The following VPS13B variants were observed in gnomAD, a reference collection of about 807,000 sequenced individuals.
VPS13B encodes vacuolar protein sorting 13 homolog B.
In VPS13B, 285 loss-of-function variants were observed where a neutral mutation model predicts 426.4. The ratio of observed to expected loss-of-function variants is 0.67; its 90% CI spans 0.61 to 0.74. The LOEUF is 0.74. Ranked by LOEUF, VPS13B falls within the 30% of genes least tolerant of loss-of-function variation. VPS13B has a pLI of 0.00. For synonymous variants in VPS13B, 1,676 were observed against 1,676.4 expected (o/e 1.00, Z 0.01); for missense variants, 4,537 against 4,782.6 (o/e 0.95, Z 1.51).
intron 43 of VPS13B, among the ~76,000 whole-genome samples, chr8:99,793,252 T>C (rs1812645421): frequency 8.3e-6 from 1 of 119,824 alleles, no homozygotes; most frequent in African/African-American, 3.3e-5. Flanking sequence ...TCTTGCCCTC[T>C]CCATATATAT....
At chr8:99,523,795 AG>A (rs1230822465) in intron 30 of VPS13B, among the ~76,000 whole-genome samples, 1 of 152,164 alleles carries the variant, frequency 6.6e-6, no homozygotes, top group East Asian at 1.9e-4. Flanking sequence ...AGACCACAAA[AG>A]CTACAGTAAA....
chr8:99,014,110 CTTTTTTT>C (rs1211028912), intron 2 of VPS13B, among the ~76,000 whole-genome samples, 175 bp downstream of exon 2: 1,107 of 72,270 alleles, frequency 0.015, 12 homozygotes, highest in African/African-American at 0.041. Context: ...TTCTTTCTTT[CTTTTTTT>C]TTTTTTTTTT....
intron 30 of VPS13B, among the ~76,000 whole-genome samples, chr8:99,522,606 G>T (rs576143197): frequency 6.6e-6 from 1 of 151,964 alleles, no homozygotes; most frequent in African/African-American, 2.4e-5. Flanking sequence ...CTTGGGTGAG[G>T]CTCTCTGCTC....
At chr8:99,106,935 T>G (rs902203913) in intron 5 of VPS13B, among the ~76,000 whole-genome samples, 3 of 152,300 alleles carry the variant, frequency 2.0e-5, no homozygotes, top group South Asian at 2.1e-4. Flanking sequence ...ACCATTGATA[T>G]AGATTTAATT....
At position 99,798,402 on chromosome 8, in the gene VPS13B, T is replaced by TA. The variant is rs1812962478; in HGVS notation, c.7942-10972dup. Among the ~76,000 whole-genome samples, 4 of 152,170 alleles carry TA rather than the reference T, an allele frequency of 2.6e-5. No homozygotes were observed. In the East Asian group the frequency reaches 5.8e-4, roughly 22 times the overall value. On this transcript the variant is annotated intron_variant, in intron 43 of 61. Transcript: ENST00000357162. ...ATTTTTTTCATTTTCTGTTGGGAGATACATTCTACCTAAATCAGAGGCAGA... is the reference window on the plus strand; with the variant it reads ...ATTTTTTTCATTTTCTGTTGGGAGATAACATTCTACCTAAATCAGAGGCAGA...
At chr8:99,587,146 A>G (rs1435281018) in intron 33 of VPS13B, among the ~76,000 whole-genome samples, 2 of 152,208 alleles carry the variant, frequency 1.3e-5, no homozygotes, top group African/African-American at 4.8e-5. Context: ...TACAAAGGAC[A>G]TGAACTCATC....
chr8:99,555,414 T>C (rs1824503652), intron 30 of VPS13B, among the ~76,000 whole-genome samples: 1 of 152,178 alleles, frequency 6.6e-6, no homozygotes, highest in African/African-American at 2.4e-5. Flanking sequence ...CTGATGTAAT[T>C]AACTTAATTG....
At chr8:99,129,928 A>T (rs1455775551) in intron 8 of VPS13B, among the ~76,000 whole-genome samples, 1 of 152,018 alleles carries the variant, frequency 6.6e-6, no homozygotes, top group Non-Finnish European at 1.5e-5. Context: ...AAGTGGGAGG[A>T]TTGCTTGAGC....
intron 6 of VPS13B, among the ~76,000 whole-genome samples, chr8:99,112,285 G>A (rs1847406656): frequency 6.6e-6 from 1 of 152,178 alleles, no homozygotes; most frequent in Admixed American, 6.5e-5. Context: ...TCAAAGTTCT[G>A]TAGATGGAAG....
At chr8:99,696,740 A>T (rs1484827414) in intron 35 of VPS13B, 4 of 1,092,700 alleles carry the variant, frequency 3.7e-6, no homozygotes, top group Non-Finnish European at 5.7e-6. Flanking sequence ...GATCCGGGGG[A>T]TGGGGGAGAG....
In VPS13B at chr8:99,323,747, A is replaced by G. The variant is rs150440805; in HGVS notation, c.2824+48493A>G. Reference sequence around the variant, plus strand: ...CATAGTGCTGTATTCCTCTTCCCCAATAAGGTTGTTGTTCTAAATAATTAG... The same window carrying G: ...CATAGTGCTGTATTCCTCTTCCCCAGTAAGGTTGTTGTTCTAAATAATTAG... On this transcript the variant is annotated intron_variant, in intron 19 of 61. Transcript: ENST00000357162. 5.9e-5 allele frequency among the ~76,000 whole-genome samples: 9 copies of G among 152,302 alleles called. No homozygotes were observed. The East Asian group carries it at 1.5e-3, about 26-fold the overall frequency.
rs368041601 is a variant in VPS13B, at chr8:99,853,588, C to T, written c.10199C>T (p.Pro3400Leu). The T allele has an allele frequency of 1.8e-5, 29 of 1,614,016 alleles. No individual in the cohort carries two copies. Among genetic ancestry groups the T allele is most frequent in the Admixed American group, 3.3e-5 (2 of 59,996 alleles). Residue 3400 changes from proline (P) to leucine (L), a missense_variant, in exon 56 of 62, where the codon CCG becomes CTG. Pro to Leu is a moderately conservative substitution (Grantham distance 98). Coordinates refer to ENST00000357162, the MANE Select transcript of VPS13B (RefSeq NM_152564.5). The stretch of plus-strand genomic sequence containing the variant: ...GACAACATTTTTCTCTGTGTGGCCC[C>T]GGGAGCTGGTCCCCTCCCTGGGGAA... ...TLDNIFLCVA[P>L]GAGPLPGEEP...
chr8:99,297,377 C>G (rs527361259), intron 19 of VPS13B, among the ~76,000 whole-genome samples: 2 of 150,820 alleles, frequency 1.3e-5, no homozygotes, highest in South Asian at 2.1e-4. Flanking sequence ...CTTGTAATCA[C>G]ATTTGTAACT....
intron 39 of VPS13B, among the ~76,000 whole-genome samples, chr8:99,722,796 C>T (rs1298904465): frequency 1.3e-5 from 2 of 152,116 alleles, no homozygotes; most frequent in Non-Finnish European, 1.5e-5. Flanking sequence ...CGTGAGCCAC[C>T]GTGCCCGGCC....
intron 2 of VPS13B, among the ~76,000 whole-genome samples, chr8:99,023,564 T>C (rs1842003095): frequency 6.6e-6 from 1 of 151,836 alleles, no homozygotes; most frequent in South Asian, 2.1e-4. Context: ...CACTGCAACC[T>C]CTGCCTCCTG....
At chr8:99,839,589 A>G (rs1283921035) in intron 54 of VPS13B, among the ~76,000 whole-genome samples, 1 of 152,216 alleles carries the variant, frequency 6.6e-6, no homozygotes, top group Non-Finnish European at 1.5e-5. Context: ...AAGCAGGAGC[A>G]AGCCGGAGCC....
rs1409184617 is a variant in VPS13B at position 99,200,668 on chromosome 8, TG to T, written c.2515+7612del. On this transcript the variant is annotated intron_variant, in intron 17 of 61. Coordinates refer to ENST00000357162, the MANE Select transcript of VPS13B (RefSeq NM_152564.5). Reference sequence around the variant, plus strand: ...TGGCTAATGATATTGAGTATCTTTTTGTGTATTTATTAGCTATTTCTATCTC... The same window carrying T: ...TGGCTAATGATATTGAGTATCTTTTTTGTATTTATTAGCTATTTCTATCTC... 2.0e-5 allele frequency among the ~76,000 whole-genome samples: 3 copies of T among 152,250 alleles called. No homozygotes were observed. The East Asian group carries it at 5.8e-4, about 29-fold the overall frequency.
intron 16 of VPS13B, among the ~76,000 whole-genome samples, chr8:99,189,474 A>G (rs1204580175): frequency 6.6e-6 from 1 of 152,180 alleles, no homozygotes; most frequent in Non-Finnish European, 1.5e-5. Flanking sequence ...ATGATCATTC[A>G]GAATCAGTAT....
At chr8:99,031,475 T>C (rs1332149539) in intron 2 of VPS13B, among the ~76,000 whole-genome samples, 1 of 152,182 alleles carries the variant, frequency 6.6e-6, no homozygotes, top group Non-Finnish European at 1.5e-5. Flanking sequence ...TCGTGTTTCT[T>C]GTGTCCCTAG....
Sources: allele counts gnomAD v4.1 joint callset (sites outside exome capture counted in the v4.1 genomes callset), GRCh38; gene constraint gnomAD v4.1.1; transcripts MANE v1.5; gene names NCBI Gene and HGNC (gene_info 2026-07-23, HGNC 2026-07-21).